Variants in GRIK2 observed in about 807,000 individuals in gnomAD.
GRIK2 encodes glutamate ionotropic receptor kainate type subunit 2, also known as glutamate receptor ionotropic, kainate 2.
In GRIK2, 32 loss-of-function variants were observed where a neutral mutation model predicts 100.3. The observed-to-expected ratio is 0.32, with a 90% CI of 0.24 to 0.43. The LOEUF is 0.43. Among genes scored for constraint, GRIK2 ranks in the 20% least tolerant of loss-of-function variants. The probability of loss-of-function intolerance (pLI) is 1.00; values close to 1 mark genes in which losing one functional copy is unlikely to be tolerated. For synonymous variants in GRIK2, 417 were observed against 389.4 expected (o/e 1.07, Z -0.83); for missense variants, 843 against 1,114.9 (o/e 0.76, Z 3.47).
rs769463301 is a variant in GRIK2, at chr6:101,818,435, C to T, written c.1269C>T (p.Asn423=). ...MTESQKGKPA[N]ITDSLSNRSL... ...AAAGTCAAAAGGGAAAGCCAGCGAACATCACAGATTCCTTATCCAATCGTT... is the reference window on the plus strand; with the variant it reads ...AAAGTCAAAAGGGAAAGCCAGCGAATATCACAGATTCCTTATCCAATCGTT... The change falls in exon 10 of 17, where the codon AAC becomes AAT. Residue 423 remains asparagine, a synonymous_variant. Coordinates refer to ENST00000369134, the MANE Select transcript of GRIK2 (RefSeq NM_021956.5). 7.4e-6 allele frequency: 12 copies of T among 1,611,600 alleles called. No homozygotes were observed. Among genetic ancestry groups the T allele is most frequent in the Non-Finnish European group, 1.0e-5 (12 of 1,177,820 alleles).
intron 7 of GRIK2, among the ~76,000 whole-genome samples, chr6:101,748,977 T>A (rs1384844727): frequency 6.6e-6 from 1 of 152,188 alleles, no homozygotes; most frequent in Admixed American, 6.5e-5. Context: ...TGGCTTTTCA[T>A]CTTTCTTATT....
At chr6:101,818,334 A>G (rs1380546949) in intron 9 of GRIK2, 36 bp from the exon 10 acceptor site, 2 of 1,175,002 alleles carry the variant, frequency 1.7e-6, no homozygotes, top group Admixed American at 1.7e-5. Flanking sequence ...CACGTGCCTG[A>G]TGGACAATTT....
chr6:101,607,378 T>C (rs1435018971), intron 2 of GRIK2, among the ~76,000 whole-genome samples: 1 of 152,014 alleles, frequency 6.6e-6, no homozygotes, highest in Non-Finnish European at 1.5e-5. Flanking sequence ...ACATCTGTTA[T>C]AATAACTGAA....
At chr6:101,707,543 T>A (rs552239389) in intron 7 of GRIK2, among the ~76,000 whole-genome samples, 11 of 88,048 alleles carry the variant, frequency 1.2e-4, no homozygotes, top group Non-Finnish European at 1.9e-4. Context: ...TGTGTATATA[T>A]GTATATATGT....
chr6:101,574,530 A>G (rs1163225470), intron 2 of GRIK2, among the ~76,000 whole-genome samples: 1 of 149,018 alleles, frequency 6.7e-6, no homozygotes, highest in Admixed American at 6.6e-5. Flanking sequence ...TTTTTAGACA[A>G]TAAAATATAC....
intron 10 of GRIK2, among the ~76,000 whole-genome samples, chr6:101,823,454 C>T (rs1284315793): frequency 1.8e-5 from 2 of 113,070 alleles, no homozygotes; most frequent in South Asian, 2.6e-4. Context: ...TATTTATGCC[C>T]TAATTTTATT....
chr6:101,891,941 G>A (rs1787127932), intron 12 of GRIK2, among the ~76,000 whole-genome samples: 1 of 152,114 alleles, frequency 6.6e-6, no homozygotes, highest in Non-Finnish European at 1.5e-5. Context: ...AGAAATAAGT[G>A]CAAGAGTTTC....
chr6:101,653,198 G>C (rs1262766387), intron 4 of GRIK2, among the ~76,000 whole-genome samples: 1 of 152,020 alleles, frequency 6.6e-6, no homozygotes, highest in African/African-American at 2.4e-5. Flanking sequence ...TGTTATTATT[G>C]CTTGCCCCAG....
At chr6:101,656,263 A>G (rs1315206804) in intron 4 of GRIK2, among the ~76,000 whole-genome samples, 1 of 150,932 alleles carries the variant, frequency 6.6e-6, no homozygotes, top group African/African-American at 2.4e-5. Context: ...AGATTGCACC[A>G]TTGTACTCCA....
intron 7 of GRIK2, among the ~76,000 whole-genome samples, chr6:101,768,510 A>T (rs1778179091): frequency 6.6e-6 from 1 of 152,102 alleles, no homozygotes; most frequent in Admixed American, 6.6e-5. Flanking sequence ...ATTCTCTCTC[A>T]CCTCTAGATG....
rs778431133 is a variant in GRIK2 at position 101,859,477 on chromosome 6, G to A, written c.1508G>A (p.Arg503His). 13 of 1,590,626 alleles carry A rather than the reference G, an allele frequency of 8.2e-6. No individual in the cohort carries two copies. Among genetic ancestry groups the A allele is most frequent in the South Asian group, 4.4e-5 (4 of 90,642 alleles). ...DANGQWNGMV[R>H]ELIDHKADLA... ...AATGGACAATGGAATGGAATGGTTC[G>A]TGAACTAATTGATCATGTAAGTCCC... The change falls in exon 11 of 17, where the codon CGT becomes CAT. Residue 503 changes from arginine (R) to histidine (H), a missense_variant. Arg to His is a conservative substitution (Grantham distance 29). This residue lies in a region of GRIK2 where 519 missense variants were observed against 643.8 expected (regional missense o/e 0.81). Transcript: ENST00000369134.
rs1367154550 is a variant in GRIK2 at position 101,824,051 on chromosome 6, G to T, written c.1317+5568G>T. On this transcript the variant is annotated intron_variant, in intron 10 of 16. Coordinates refer to ENST00000369134, the MANE Select transcript of GRIK2 (RefSeq NM_021956.5). ...CTGGCTAATTTTTTGTATTTTTGTG[G>T]AGATGGTGTTGTATTTTTGTAGAGA... Among the ~76,000 whole-genome samples the T allele has an allele frequency of 2.6e-5, 4 of 151,584 alleles. No homozygotes were observed. In the East Asian group the frequency reaches 7.8e-4, roughly 29 times the overall value.
chr6:101,441,988 G>A lies in GRIK2; in HGVS notation c.115+42596G>A, dbSNP rs141920850. ...CAAAAAAAAAAAAAGGGGTGAACAGGGCAGAATTTTTCCAATTCTTGGGAG... is the reference window on the plus strand; with the variant it reads ...CAAAAAAAAAAAAAGGGGTGAACAGAGCAGAATTTTTCCAATTCTTGGGAG... On this transcript the variant is annotated intron_variant, in intron 2 of 16. Transcript: ENST00000369134. 4.7e-4 allele frequency among the ~76,000 whole-genome samples: 72 copies of A among 152,134 alleles called. 3 individuals are homozygous for A. Among genetic ancestry groups the A allele is most frequent in the East Asian group, 3.1e-3 (16 of 5,170 alleles).
chr6:101,748,104 T>C (rs1583066819), intron 7 of GRIK2, among the ~76,000 whole-genome samples: 2 of 152,202 alleles, frequency 1.3e-5, no homozygotes, highest in Non-Finnish European at 2.9e-5. Flanking sequence ...CAAGGGGCAA[T>C]CTTGGTTGGG....
intron 4 of GRIK2, among the ~76,000 whole-genome samples, chr6:101,641,979 C>T (rs147747652): frequency 1.1e-3 from 174 of 151,976 alleles, no homozygotes; most frequent in African/African-American, 4.1e-3. Flanking sequence ...TTTCTTGGTA[C>T]AGTTTAATTT....
chr6:101,644,375 G>A lies in GRIK2; in HGVS notation c.541+17738G>A, dbSNP rs139975332. Among the ~76,000 whole-genome samples, 231 of 151,766 alleles carry A rather than the reference G, an allele frequency of 1.5e-3. 2 individuals are homozygous for A. Among genetic ancestry groups the A allele is most frequent in the African/African-American group, 5.4e-3 (223 of 41,488 alleles). ...TGGTATGGTGAACTGGTAGCATGAT[G>A]AAACATCTACTGAGGTTGATACACC... On this transcript the variant is annotated intron_variant, in intron 4 of 16. Coordinates refer to ENST00000369134, the MANE Select transcript of GRIK2 (RefSeq NM_021956.5).
At chr6:101,799,016 C>T (rs1780496309) in intron 7 of GRIK2, among the ~76,000 whole-genome samples, 1 of 152,018 alleles carries the variant, frequency 6.6e-6, no homozygotes, top group African/African-American at 2.4e-5. Context: ...AGCTTAGTTT[C>T]TTGAAAAGCG....
chr6:101,595,708 G>GTA (rs1334674645), intron 2 of GRIK2, among the ~76,000 whole-genome samples: 1 of 125,580 alleles, frequency 8.0e-6, no homozygotes, highest in Non-Finnish European at 1.7e-5. Context: ...ATGTGTGTGT[G>GTA]TGTGTGTGTG....
chr6:101,524,298 T>C (rs886499228), intron 2 of GRIK2, among the ~76,000 whole-genome samples: 1 of 152,136 alleles, frequency 6.6e-6, no homozygotes, highest in East Asian at 1.9e-4. Flanking sequence ...CACTTTTGCC[T>C]AAAACCACTG....
Sources: allele counts gnomAD v4.1 joint callset (sites outside exome capture counted in the v4.1 genomes callset), GRCh38; gene constraint gnomAD v4.1.1; regional missense constraint gnomAD v4.1.1; transcripts MANE v1.5; gene names NCBI Gene and HGNC (gene_info 2026-07-23, HGNC 2026-07-21).